The following NPAS3 variants were observed in gnomAD, a reference collection of about 807,000 sequenced individuals.
NPAS3 encodes the protein neuronal PAS domain-containing protein 3.
NPAS3 carries 14 observed loss-of-function variants against 73.1 expected under a neutral mutation model. The ratio of observed to expected loss-of-function variants is 0.19; its 90% CI spans 0.13 to 0.30. The LOEUF is 0.30. NPAS3 is among the 10% of genes least tolerant of loss of function. The pLI is 1.00. For missense variants in NPAS3, 1,096 were observed against 1,250.0 expected, an observed-to-expected ratio of 0.88 and a Z score of 1.86; for synonymous variants, 620 against 541.5, an observed-to-expected ratio of 1.14 and a Z score of -2.01.
chr14:33,008,193 A>T (rs1207178511), intron 1 of NPAS3, among the ~76,000 whole-genome samples: 2 of 152,208 alleles, frequency 1.3e-5, no homozygotes, highest in African/African-American at 4.8e-5. Flanking sequence ...ATGTTCATTG[A>T]TGGAGAACTG....
At chr14:33,286,806 C>T (rs1017909012) in intron 3 of NPAS3, among the ~76,000 whole-genome samples, 5 of 152,118 alleles carry the variant, frequency 3.3e-5, no homozygotes, top group African/African-American at 1.2e-4. Context: ...GAAATCACTA[C>T]TTTTCCCACT....
chr14:33,679,115 A>T (rs2059858492), intron 6 of NPAS3, among the ~76,000 whole-genome samples: 2 of 152,130 alleles, frequency 1.3e-5, no homozygotes, highest in African/African-American at 4.8e-5. Context: ...TGCTAGTGAG[A>T]TTGAAAACTC....
At chr14:33,650,678 G>C (rs1352381649) in intron 5 of NPAS3, among the ~76,000 whole-genome samples, 1 of 152,068 alleles carries the variant, frequency 6.6e-6, no homozygotes, top group Non-Finnish European at 1.5e-5. Flanking sequence ...CCCTCACACA[G>C]CTCCTGCTGC....
intron 4 of NPAS3, among the ~76,000 whole-genome samples, chr14:33,385,573 T>C (rs1170577581): frequency 3.3e-5 from 5 of 152,062 alleles, no homozygotes; most frequent in Non-Finnish European, 7.4e-5. Context: ...CAATGTAAGG[T>C]AATTATGTAT....
At chr14:33,772,780 C>G (rs1409598521) in intron 7 of NPAS3, among the ~76,000 whole-genome samples, 1 of 152,156 alleles carries the variant, frequency 6.6e-6, no homozygotes, top group Non-Finnish European at 1.5e-5. Context: ...ATCCTTGCCT[C>G]TAGGAACATC....
chr14:33,627,196 T>G (rs17101636), intron 5 of NPAS3, among the ~76,000 whole-genome samples: 8,777 of 152,154 alleles, frequency 0.058, 789 homozygotes, highest in African/African-American at 0.19. Flanking sequence ...CACAGCATTG[T>G]TGAGGAAACG....
intron 4 of NPAS3, among the ~76,000 whole-genome samples, chr14:33,369,449 G>T (rs181569787): frequency 7.7e-6 from 1 of 130,438 alleles, no homozygotes; most frequent in Non-Finnish European, 1.7e-5. Flanking sequence ...ATTCTGTGTC[G>T]CTTCAGAATA....
At chr14:33,071,058 A>G (rs1031085517) in intron 2 of NPAS3, among the ~76,000 whole-genome samples, 1 of 152,162 alleles carries the variant, frequency 6.6e-6, no homozygotes, top group African/African-American at 2.4e-5. Context: ...GGTTTGTTCT[A>G]CGCTACCTAT....
intron 4 of NPAS3, among the ~76,000 whole-genome samples, chr14:33,397,487 T>C (rs1466143536): frequency 2.6e-5 from 4 of 152,128 alleles, no homozygotes; most frequent in African/African-American, 9.7e-5. Context: ...GGGTTCTTTA[T>C]GCTACTGTAC....
chr14:33,630,141 G>A (rs910752242), intron 5 of NPAS3, among the ~76,000 whole-genome samples: 1 of 152,090 alleles, frequency 6.6e-6, no homozygotes, highest in African/African-American at 2.4e-5. Flanking sequence ...TATCCACTGA[G>A]AGAAAGCACC....
At chr14:33,373,599 C>T (rs1249010053) in intron 4 of NPAS3, among the ~76,000 whole-genome samples, 1 of 151,978 alleles carries the variant, frequency 6.6e-6, no homozygotes, top group Non-Finnish European at 1.5e-5. Context: ...ATTATTTAAA[C>T]TAAGTATTGA....
chr14:33,258,821 T>G (rs1045371874), intron 3 of NPAS3, among the ~76,000 whole-genome samples: 5 of 152,130 alleles, frequency 3.3e-5, no homozygotes, highest in African/African-American at 1.2e-4. Context: ...CTCTTTTGTT[T>G]GTTTGTTTTT....
chr14:32,954,048 G>T (rs924050847), intron 1 of NPAS3, among the ~76,000 whole-genome samples: 41 of 152,156 alleles, frequency 2.7e-4, no homozygotes, highest in Non-Finnish European at 2.4e-4. Flanking sequence ...AAGGATGAGA[G>T]GACCTAGTGG....
intron 7 of NPAS3, among the ~76,000 whole-genome samples, chr14:33,739,762 T>A (rs541745514): frequency 6.6e-6 from 1 of 152,330 alleles, no homozygotes; most frequent in Admixed American, 6.5e-5. Flanking sequence ...TATGATATCT[T>A]CAGCACTTAT....
At chr14:33,548,510 A>T (rs754924597) in intron 4 of NPAS3, among the ~76,000 whole-genome samples, 3 of 152,230 alleles carry the variant, frequency 2.0e-5, no homozygotes, top group Non-Finnish European at 4.4e-5. Flanking sequence ...GTATTTGAAT[A>T]GATCATGCAT....
intron 5 of NPAS3, among the ~76,000 whole-genome samples, chr14:33,573,597 G>A (rs2056317966): frequency 6.6e-6 from 1 of 152,314 alleles, no homozygotes; most frequent in Admixed American, 6.5e-5. Context: ...TCCAGGCAAA[G>A]GGAGGCATGT....
At chr14:33,709,198 T>C (rs10143902) in intron 6 of NPAS3, among the ~76,000 whole-genome samples, 3,919 of 152,324 alleles carry the variant, frequency 0.026, 167 homozygotes, top group African/African-American at 0.089. Context: ...CTGCTTTATT[T>C]CTACAGATGG....
chr14:33,611,015 G>C (rs1041247961), intron 5 of NPAS3: 6 of 152,144 alleles, frequency 3.9e-5, no homozygotes, highest in African/African-American at 1.4e-4. Context: ...GTTTTACATG[G>C]AAAAAGCATG....
intron 2 of NPAS3, among the ~76,000 whole-genome samples, chr14:33,077,497 T>C (rs542562234): frequency 6.6e-6 from 1 of 152,308 alleles, no homozygotes; most frequent in East Asian, 1.9e-4. Flanking sequence ...AGTGAGCTCA[T>C]TGGATGAAAG....
Sources: gnomAD v4.1 joint callset for allele counts (sites outside exome capture counted in the v4.1 genomes callset) on GRCh38, gnomAD v4.1.1 for gene constraint, MANE v1.5 for transcripts, NCBI Gene and HGNC (gene_info 2026-07-23, HGNC 2026-07-21) for gene names.